KAZN: variants seen among roughly 807,000 people sequenced by gnomAD.
KAZN encodes the protein kazrin.
A neutral mutation model predicts 87.4 loss-of-function variants in KAZN; 40 were observed. The ratio of observed to expected loss-of-function variants is 0.46; its 90% CI spans 0.36 to 0.60. The LOEUF is 0.60. Ranked by LOEUF, KAZN falls within the 20% of genes least tolerant of loss-of-function variation. The probability of loss-of-function intolerance (pLI) is 0.00; values close to 1 mark genes in which losing one functional copy is unlikely to be tolerated. For synonymous variants in KAZN, 466 were observed against 458.3 expected (o/e 1.02, Z -0.22); for missense variants, 898 against 1,073.9 (o/e 0.84, Z 2.29).
At chr1:14,909,658 C>G (rs561589960) in intron 1 of KAZN, among the ~76,000 whole-genome samples, 26 of 152,202 alleles carry the variant, frequency 1.7e-4, no homozygotes, top group Non-Finnish European at 3.5e-4. Flanking sequence ...CTGGCCACCT[C>G]CAGAGCACCT....
At chr1:14,997,713 G>A (rs867485147) in intron 2 of KAZN, among the ~76,000 whole-genome samples, 5 of 152,292 alleles carry the variant, frequency 3.3e-5, no homozygotes, top group Middle Eastern at 3.4e-3. Context: ...GGGTGGAGGA[G>A]CAGGGGCTGG....
intron 1 of KAZN, among the ~76,000 whole-genome samples, chr1:14,865,586 G>A (rs1035090352): frequency 3.9e-5 from 6 of 152,086 alleles, no homozygotes; most frequent in African/African-American, 1.4e-4. Context: ...CCAGAGAGAC[G>A]TCTCATCTCT....
At chr1:14,553,463 A>G (rs1673671002) in intron 2 of KAZN, among the ~76,000 whole-genome samples, 1 of 152,242 alleles carries the variant, frequency 6.6e-6, no homozygotes, top group African/African-American at 2.4e-5. Context: ...TCAACATGTC[A>G]GTGCACCCAG....
chr1:14,305,921 G>A (rs1654892857), intron 2 of KAZN, among the ~76,000 whole-genome samples: 1 of 152,014 alleles, frequency 6.6e-6, no homozygotes. Flanking sequence ...AACAGGATTG[G>A]GTAGAGAAGC....
In KAZN at chr1:14,702,619, T is replaced by C. The variant is rs140527926; in HGVS notation, c.226+103396T>C. 3.0e-3 allele frequency among the ~76,000 whole-genome samples: 456 copies of C among 152,244 alleles called. 3 individuals are homozygous for C. The highest frequency in any genetic ancestry group is 0.011 in the African/African-American group (450 of 41,536). Reference sequence around the variant, plus strand: ...GGTATGTATCGTGGGTGATACACAATACACAGAGTATCGTGTATCGATAGA... The same window carrying C: ...GGTATGTATCGTGGGTGATACACAACACACAGAGTATCGTGTATCGATAGA... On this transcript the variant is annotated intron_variant, in intron 1 of 14. Transcript: ENST00000376030.
chr1:14,571,423 A>T (rs935195305), intron 2 of KAZN, among the ~76,000 whole-genome samples: 1 of 152,200 alleles, frequency 6.6e-6, no homozygotes, highest in Non-Finnish European at 1.5e-5. Flanking sequence ...CTCTGCAAAA[A>T]TTGCTAAGTA....
At chr1:14,291,681 A>G (rs1056884983) in intron 2 of KAZN, among the ~76,000 whole-genome samples, 7 of 152,222 alleles carry the variant, frequency 4.6e-5, no homozygotes, top group Non-Finnish European at 1.0e-4. Flanking sequence ...CTCACCCTCC[A>G]TGGGCTGCAC....
chr1:14,124,448 C>T (rs927196470), intron 1 of KAZN: 1 of 152,246 alleles, frequency 6.6e-6, no homozygotes, highest in African/African-American at 2.4e-5. Context: ...GGTTCAGTCT[C>T]ATCTTAACCA....
At chr1:14,206,669 C>G (rs1018080933) in intron 2 of KAZN, among the ~76,000 whole-genome samples, 1 of 150,144 alleles carries the variant, frequency 6.7e-6, no homozygotes, top group Non-Finnish European at 1.5e-5. Context: ...TACCCAGTAC[C>G]ATCCCTTTTA....
At chr1:14,378,493 A>C (rs1164465589) in intron 2 of KAZN, among the ~76,000 whole-genome samples, 1 of 152,254 alleles carries the variant, frequency 6.6e-6, no homozygotes, top group Non-Finnish European at 1.5e-5. Flanking sequence ...AGACAGTAGG[A>C]AAGAGTCTTA....
chr1:14,370,709 T>G (rs1660409210), intron 2 of KAZN, among the ~76,000 whole-genome samples: 1 of 152,224 alleles, frequency 6.6e-6, no homozygotes, highest in Non-Finnish European at 1.5e-5. Flanking sequence ...TATTTAAGTT[T>G]GAGACACTGT....
intron 2 of KAZN, among the ~76,000 whole-genome samples, chr1:14,518,047 A>C (rs1401146528): frequency 6.6e-6 from 1 of 152,204 alleles, no homozygotes; most frequent in East Asian, 1.9e-4. Flanking sequence ...TTCAAGCCCA[A>C]GGTCTGCCAC....
At chr1:14,789,119 C>T (rs1441145836) in intron 1 of KAZN, among the ~76,000 whole-genome samples, 2 of 152,114 alleles carry the variant, frequency 1.3e-5, no homozygotes, top group African/African-American at 2.4e-5. Flanking sequence ...CGTTCATTCC[C>T]TCATTTGATA....
chr1:14,561,268 G>T (rs1402151476), intron 2 of KAZN, among the ~76,000 whole-genome samples: 1 of 152,194 alleles, frequency 6.6e-6, no homozygotes, highest in African/African-American at 2.4e-5. Context: ...GGAATATTCC[G>T]AGTGGGTAAA....
chr1:14,169,150 AGAAGG>A (rs1470813228), intron 1 of KAZN, among the ~76,000 whole-genome samples: 1 of 152,152 alleles, frequency 6.6e-6, no homozygotes, highest in African/African-American at 2.4e-5. Context: ...CTTAAGGAGA[AGAAGG>A]GAATTTATCA....
chr1:15,017,754 A>G (rs1487711594), intron 2 of KAZN, among the ~76,000 whole-genome samples: 1 of 152,050 alleles, frequency 6.6e-6, no homozygotes, highest in East Asian at 1.9e-4. Context: ...CAGTCAGCTG[A>G]GATTGCACCA....
chr1:14,266,195 C>T (rs1044090299), intron 2 of KAZN, among the ~76,000 whole-genome samples: 81 of 152,306 alleles, frequency 5.3e-4, no homozygotes, highest in African/African-American at 1.9e-3. Context: ...CTGGATGGCA[C>T]TTTCAACTTA....
intron 1 of KAZN, among the ~76,000 whole-genome samples, chr1:14,658,688 A>C (rs955729725): frequency 1.3e-5 from 2 of 152,108 alleles, no homozygotes; most frequent in African/African-American, 2.4e-5. Flanking sequence ...CAGATTTAGA[A>C]TCTCTGCAGT....
intron 1 of KAZN, among the ~76,000 whole-genome samples, chr1:14,157,919 C>A (rs1044777720): frequency 3.9e-5 from 6 of 151,956 alleles, no homozygotes; most frequent in African/African-American, 1.2e-4. Flanking sequence ...CTTATAAAAC[C>A]ATCAGATCTC....
Sources: allele counts gnomAD v4.1 joint callset (sites outside exome capture counted in the v4.1 genomes callset), GRCh38; gene constraint gnomAD v4.1.1; transcripts MANE v1.5; gene names NCBI Gene and HGNC (gene_info 2026-07-23, HGNC 2026-07-21).